Variants in ERN1 observed in about 807,000 individuals in gnomAD.
The protein encoded by ERN1 is serine/threonine-protein kinase/endoribonuclease IRE1.
ERN1 carries 39 observed loss-of-function variants against 113.1 expected under a neutral mutation model. The observed-to-expected ratio is 0.34, with a 90% CI of 0.27 to 0.45. The LOEUF (loss-of-function observed/expected upper bound fraction) is 0.45. Among genes scored for constraint, ERN1 ranks in the 20% least tolerant of loss-of-function variants. The probability of loss-of-function intolerance (pLI) is 1.00; values close to 1 mark genes in which losing one functional copy is unlikely to be tolerated. For missense variants in ERN1, 976 were observed against 1,274.8 expected (o/e 0.77, Z 3.57); for synonymous variants, 507 against 515.9 (o/e 0.98, Z 0.23).
intron 7 of ERN1, among the ~76,000 whole-genome samples, chr17:64,067,440 A>AAAAAAAAT (rs1223646082): frequency 1.4e-4 from 21 of 151,704 alleles, no homozygotes; most frequent in Admixed American, 1.4e-3. Flanking sequence ...AAAAAAAAAA[A>AAAAAAAAT]AAAAAAAATT....
rs1042550290 is a variant in ERN1, at chr17:64,040,347, G to A, written c.*3641C>T. ...CAATGGGCACACCATGAGGACCCAA[G>A]GAAAGGACAGAGAAAGGAACGGCTC... On this transcript the variant is annotated 3_prime_UTR_variant, in exon 22 of 22. Transcript: ENST00000433197. 8.5e-5 allele frequency: 13 copies of A among 152,348 alleles called. No homozygotes were observed. Among genetic ancestry groups the A allele is most frequent in the African/African-American group, 2.6e-4 (11 of 41,552 alleles). The allele number at this position is 152,348 out of a possible 1,614,324, so 9.4% of individuals were successfully genotyped here.
In ERN1 at chr17:64,044,141, G is replaced by A. The variant is rs369985660; in HGVS notation, c.2781C>T (p.Asp927=). ...GAGATGTGAAGTAGCACACGAAGTC[G>A]TCGGGGAGGGACCCCAGCGTCTCCC... is the stretch of plus-strand genomic sequence containing the variant. The part of the protein sequence containing the change: ...EVRETLGSLP[D]DFVCYFTSRF... Residue 927 remains aspartate (D), a synonymous_variant, in exon 22 of 22, where the codon GAC becomes GAT. Coordinates refer to ENST00000433197, the MANE Select transcript of ERN1 (RefSeq NM_001433.5). The surrounding 1 kb of genome is among the most constrained non-coding windows in gnomAD (Gnocchi z 4.1). The A allele has an allele frequency of 6.9e-5, 111 of 1,604,528 alleles. No homozygotes were observed. The African/African-American group carries it at 1.2e-3, about 17-fold the overall frequency.
intron 10 of ERN1, among the ~76,000 whole-genome samples, 190 bp from the exon 11 acceptor site, chr17:64,060,777 T>C (rs1913030000): frequency 6.6e-6 from 1 of 152,200 alleles, no homozygotes; most frequent in African/African-American, 2.4e-5. Context: ...TATTACTTCA[T>C]GGCAGAATAC....
At chr17:64,071,062 G>A (rs1469018151) in intron 6 of ERN1, among the ~76,000 whole-genome samples, 1 of 152,212 alleles carries the variant, frequency 6.6e-6, no homozygotes, top group Non-Finnish European at 1.5e-5. Flanking sequence ...AGTGCCAAGT[G>A]TTAAGAAGAA....
chr17:64,049,757 A>T lies in ERN1; in HGVS notation c.2254-555T>A, dbSNP rs1034638323. 1.1e-4 allele frequency among the ~76,000 whole-genome samples: 17 copies of T among 152,202 alleles called. No individual in the cohort carries two copies. The highest frequency in any genetic ancestry group is 3.4e-4 in the African/African-American group (14 of 41,460). Reference sequence around the variant, plus strand: ...TACCAAGGAGGTCATGTTTGATGTTAATCCGAGAAAGCCTCTCACTTATCC... The same window carrying T: ...TACCAAGGAGGTCATGTTTGATGTTTATCCGAGAAAGCCTCTCACTTATCC... On this transcript the variant is annotated intron_variant, in intron 17 of 21. Transcript: ENST00000433197. This position sits in a 1 kb window ranked among gnomAD's most constrained non-coding sequence, Gnocchi z 4.7.
intron 1 of ERN1, chr17:64,102,885 T>C (rs1914425141): frequency 4.1e-6 from 4 of 984,768 alleles, no homozygotes; most frequent in Non-Finnish European, 4.8e-6. Context: ...GTTTTAAAAC[T>C]AGTAGTTGGG....
rs548956303 is a variant in ERN1 at position 64,122,078 on chromosome 17, G to A, written c.54+7898C>T. ...TCAGCTCCTCAGGGTATGACTGAGGGTAGCCAGACTGGTTTGTCCCAACAT... is the reference window on the plus strand; with the variant it reads ...TCAGCTCCTCAGGGTATGACTGAGGATAGCCAGACTGGTTTGTCCCAACAT... On this transcript the variant is annotated intron_variant, in intron 1 of 21. Coordinates refer to ENST00000433197, the MANE Select transcript of ERN1 (RefSeq NM_001433.5). Among the ~76,000 whole-genome samples the A allele has an allele frequency of 1.3e-4, 20 of 152,322 alleles. No homozygotes were observed. The East Asian group carries it at 3.7e-3, about 28-fold the overall frequency.
At chr17:64,102,151 T>A (rs1914401756) in intron 1 of ERN1, among the ~76,000 whole-genome samples, 1 of 152,046 alleles carries the variant, frequency 6.6e-6, no homozygotes, top group African/African-American at 2.4e-5. Flanking sequence ...CCAGGCCTGG[T>A]GGCAGACACC....
chr17:64,108,891 C>T (rs112728840), intron 1 of ERN1, among the ~76,000 whole-genome samples: 34 of 152,136 alleles, frequency 2.2e-4, no homozygotes, highest in African/African-American at 6.7e-4. Context: ...GGGAGGCCAA[C>T]GCAGGTGGAT....
Position 64,054,486 on chromosome 17 carries a change from C to T in ERN1, c.1764-47G>A, listed in dbSNP as rs1843694352. 6.6e-7 allele frequency: 1 copy of T among 1,517,746 alleles called. No homozygotes were observed. The allele number at this position is 1,517,746 out of a possible 1,614,324, so 94.0% of individuals were successfully genotyped here. A position where few individuals can be genotyped will look rare whatever the true frequency, so the allele number is the denominator to read the frequency against. Reference sequence around the variant, plus strand: ...TTGTGTCTGGGAAGCACGAGTCAGGCTGTGTAAATGAGGTGAGAACCTGGG... The same window carrying T: ...TTGTGTCTGGGAAGCACGAGTCAGGTTGTGTAAATGAGGTGAGAACCTGGG... On this transcript the variant is annotated intron_variant, in intron 14 of 21. Transcript: ENST00000433197. The surrounding 1 kb of genome is among the most constrained non-coding windows in gnomAD (Gnocchi z 4.9).
In ERN1 at chr17:64,098,427, G is replaced by T. The variant is rs778387492; in HGVS notation, c.55-186C>A. 12 of 774,256 alleles carry T rather than the reference G, an allele frequency of 1.5e-5. 1 individual carries two copies. The South Asian group carries it at 1.6e-4, about 10-fold the overall frequency. 48.0% of individuals were successfully genotyped at this position (774,256 alleles called of 1,614,324 possible). A position where few individuals can be genotyped will look rare whatever the true frequency, so the allele number is the denominator to read the frequency against. On this transcript the variant is annotated intron_variant, in intron 1 of 21. Coordinates refer to ENST00000433197, the MANE Select transcript of ERN1 (RefSeq NM_001433.5). ...TAGAACCCAGGTCACCTCACTCTAA[G>T]CAGTGATCCTGCCTGCAGACAGGCA...
rs530023314 is a variant in ERN1, at chr17:64,115,797, T to C, written c.54+14179A>G. Among the ~76,000 whole-genome samples, 22 of 152,286 alleles carry C rather than the reference T, an allele frequency of 1.4e-4. No homozygotes were observed. In the South Asian group the frequency reaches 4.6e-3, roughly 32 times the overall value. ...GAGCTCTGGGCAAGTCATTAGATTTTTCCAGGCATGGGTTTCCAAGAAAGT... is the reference window on the plus strand; with the variant it reads ...GAGCTCTGGGCAAGTCATTAGATTTCTCCAGGCATGGGTTTCCAAGAAAGT... On this transcript the variant is annotated intron_variant, in intron 1 of 21. Coordinates refer to ENST00000433197, the MANE Select transcript of ERN1 (RefSeq NM_001433.5).
chr17:64,085,073 T>A (rs968721618), intron 2 of ERN1, among the ~76,000 whole-genome samples: 1 of 152,230 alleles, frequency 6.6e-6, no homozygotes, highest in Non-Finnish European at 1.5e-5. Context: ...TGGGATTTAT[T>A]TTTTGTTGTC....
At chr17:64,107,109 G>T (rs1799129732) in intron 1 of ERN1, among the ~76,000 whole-genome samples, 1 of 152,072 alleles carries the variant, frequency 6.6e-6, no homozygotes, top group African/African-American at 2.4e-5. Context: ...TGGCCAAAAA[G>T]ACATCAAAAA....
chr17:64,098,380 T>A, intron 1 of ERN1, 139 bp from the exon 2 acceptor site: 1 of 1,098,588 alleles, frequency 9.1e-7, no homozygotes, highest in Non-Finnish European at 1.4e-6. Context: ...GTGGAGAGCC[T>A]AAATTCCCAC....
chr17:64,130,025 G>A lies in ERN1; in HGVS notation c.5C>T (p.Pro2Leu), dbSNP rs760717222. The change falls in exon 1 of 22, where the codon CCG becomes CTG. Residue 2 changes from proline (P) to leucine (L), a missense_variant. Transcript: ENST00000433197. The surrounding 1 kb of genome is among the most constrained non-coding windows in gnomAD (Gnocchi z 4.0). M[P>L]ARRLLLLLTL... ...CAGCAGCAGCAGCAGCCGCCGGGCC[G>A]GCATGGCGAGGACTCGGCCCTGGCT... 2.1e-6 allele frequency: 3 copies of A among 1,427,780 alleles called. No individual in the cohort carries two copies. The highest frequency in any genetic ancestry group is 2.9e-5 in the South Asian group (2 of 69,526). 88.4% of individuals were successfully genotyped at this position (1,427,780 alleles called of 1,614,324 possible). A position where few individuals can be genotyped will look rare whatever the true frequency, so the allele number is the denominator to read the frequency against.
chr17:64,115,073 C>T (rs1914768742), intron 1 of ERN1, among the ~76,000 whole-genome samples: 1 of 152,152 alleles, frequency 6.6e-6, no homozygotes, highest in Non-Finnish European at 1.5e-5. Context: ...TCTTTTTAAT[C>T]TTCCAGGCGC....
intron 19 of ERN1, 40 bp from the exon 20 acceptor site, chr17:64,045,522 G>A (rs757888898): frequency 6.8e-6 from 11 of 1,613,106 alleles, no homozygotes; most frequent in Non-Finnish European, 9.3e-6. Context: ...GGTCAGTGCT[G>A]GAGATGCTGA....
chr17:64,081,307 A>G (rs1457856399), intron 2 of ERN1, among the ~76,000 whole-genome samples: 1 of 152,210 alleles, frequency 6.6e-6, no homozygotes, highest in Non-Finnish European at 1.5e-5. Flanking sequence ...TGGAGCGGCA[A>G]TTCTAGAGCC....
Sources: gnomAD v4.1 joint callset for allele counts (sites outside exome capture counted in the v4.1 genomes callset) on GRCh38, gnomAD v4.1.1 for gene constraint, Gnocchi (gnomAD v3.1) non-coding constraint, MANE v1.5 for transcripts, NCBI Gene and HGNC (gene_info 2026-07-23, HGNC 2026-07-21) for gene names.